CPNE4: variants seen among roughly 807,000 people sequenced by gnomAD.
The protein encoded by CPNE4 is copine-4.
CPNE4 carries 25 observed loss-of-function variants against 67.9 expected under a neutral mutation model. The observed-to-expected ratio is 0.37, with a 90% CI of 0.27 to 0.51. The LOEUF (loss-of-function observed/expected upper bound fraction) is 0.51. Ranked by LOEUF, CPNE4 falls within the 20% of genes least tolerant of loss-of-function variation. The pLI is 0.93. For missense variants in CPNE4, 464 were observed against 690.8 expected (o/e 0.67, Z 3.68); for synonymous variants, 242 against 244.9 (o/e 0.99, Z 0.11).
chr3:131,943,705 A>G (rs73208105), intron 1 of CPNE4, among the ~76,000 whole-genome samples: 9,822 of 152,134 alleles, frequency 0.065, 418 homozygotes, highest in East Asian at 0.13. Flanking sequence ...GTTAGCACAG[A>G]ATTGTTCTAA....
intron 9 of CPNE4, among the ~76,000 whole-genome samples, chr3:131,579,066 C>A (rs1937628271): frequency 6.6e-6 from 1 of 152,202 alleles, no homozygotes. Context: ...GAGAAGAAGT[C>A]ACTGCCTGGC....
chr3:131,731,891 C>T (rs1331195135), intron 2 of CPNE4, among the ~76,000 whole-genome samples: 1 of 152,172 alleles, frequency 6.6e-6, no homozygotes, highest in Non-Finnish European at 1.5e-5. Context: ...GTGATGTCAA[C>T]ATATATACTA....
At chr3:131,815,646 G>C (rs1335240921) in intron 2 of CPNE4, among the ~76,000 whole-genome samples, 2 of 152,202 alleles carry the variant, frequency 1.3e-5, no homozygotes, top group Non-Finnish European at 2.9e-5. Flanking sequence ...CGAGAGACAA[G>C]GTGTTGGAAC....
intron 2 of CPNE4, among the ~76,000 whole-genome samples, chr3:131,884,678 A>G (rs918463045): frequency 1.3e-5 from 2 of 152,180 alleles, no homozygotes; most frequent in Non-Finnish European, 1.5e-5. Flanking sequence ...ACCTGGTGGG[A>G]GATAAATGAA....
intron 2 of CPNE4, among the ~76,000 whole-genome samples, chr3:131,802,981 G>C (rs2084185239): frequency 6.6e-6 from 1 of 152,122 alleles, no homozygotes; most frequent in African/African-American, 2.4e-5. Context: ...AACCTGTATG[G>C]ACTCAGGACT....
intron 8 of CPNE4, among the ~76,000 whole-genome samples, chr3:131,584,336 A>C (rs1938038151): frequency 6.6e-6 from 1 of 152,090 alleles, no homozygotes; most frequent in African/African-American, 2.4e-5. Flanking sequence ...AAATTTTGAA[A>C]ACTTCCTCAT....
intron 1 of CPNE4, among the ~76,000 whole-genome samples, chr3:131,959,541 C>A (rs1471689560): frequency 6.6e-6 from 1 of 152,166 alleles, no homozygotes; most frequent in East Asian, 1.9e-4. Flanking sequence ...ATTTCCTTAA[C>A]ATTCTTATCC....
chr3:131,610,317 C>T (rs1273550436), intron 7 of CPNE4, among the ~76,000 whole-genome samples: 1 of 152,174 alleles, frequency 6.6e-6, no homozygotes, highest in Non-Finnish European at 1.5e-5. Context: ...TACAGGAACC[C>T]TTTGCAGGGC....
intron 2 of CPNE4, among the ~76,000 whole-genome samples, chr3:131,776,596 G>C (rs935830526): frequency 2.0e-5 from 3 of 152,146 alleles, no homozygotes; most frequent in Admixed American, 2.0e-4. Flanking sequence ...CTGAGGCCAA[G>C]TGAGAATAAT....
intron 1 of CPNE4, among the ~76,000 whole-genome samples, chr3:131,971,563 C>G (rs2072503424): frequency 6.6e-6 from 1 of 151,916 alleles, no homozygotes; most frequent in African/African-American, 2.4e-5. Flanking sequence ...TCCTTTTTGC[C>G]CCAGAGGGTT....
At chr3:131,743,962 C>CCAACAAAAAAAA (rs2082417694) in intron 2 of CPNE4, among the ~76,000 whole-genome samples, 1 of 59,206 alleles carries the variant, frequency 1.7e-5, no homozygotes, top group African/African-American at 7.4e-5. Context: ...GACTCCGTCT[C>CCAACAAAAAAAA]AAAAAAAAAA....
intron 1 of CPNE4, among the ~76,000 whole-genome samples, chr3:132,016,027 T>G (rs1583601205): frequency 6.6e-6 from 1 of 152,220 alleles, no homozygotes; most frequent in Non-Finnish European, 1.5e-5. Flanking sequence ...GTGAAATAAA[T>G]GTACATATCA....
intron 9 of CPNE4, among the ~76,000 whole-genome samples, chr3:131,579,220 C>A (rs1439847893): frequency 6.6e-6 from 1 of 152,194 alleles, no homozygotes; most frequent in Non-Finnish European, 1.5e-5. Context: ...CCATGCTCTA[C>A]AAATGGAAGA....
intron 2 of CPNE4, among the ~76,000 whole-genome samples, chr3:131,843,215 G>A (rs2085863370): frequency 6.6e-6 from 1 of 152,210 alleles, no homozygotes; most frequent in Admixed American, 6.5e-5. Context: ...GATTCTGAGA[G>A]ACTTCTGGAA....
At chr3:132,036,562 T>G (rs572317351), upstream of CPNE4, among the ~76,000 whole-genome samples, 2 of 152,360 alleles carry the variant, frequency 1.3e-5, no homozygotes, top group South Asian at 4.1e-4. Flanking sequence ...CTTCCAGGTT[T>G]TGTTAAGAGG....
At chr3:131,896,279 T>G (rs1045067892) in intron 2 of CPNE4, among the ~76,000 whole-genome samples, 1 of 152,000 alleles carries the variant, frequency 6.6e-6, no homozygotes, top group Non-Finnish European at 1.5e-5. Flanking sequence ...TATTATGAAA[T>G]GATAAAAAGG....
At chr3:131,818,184 T>C (rs892198731) in intron 2 of CPNE4, among the ~76,000 whole-genome samples, 7 of 152,208 alleles carry the variant, frequency 4.6e-5, no homozygotes, top group Non-Finnish European at 7.3e-5. Context: ...ACTGCTTTAT[T>C]AGTTGAGTAT....
At chr3:131,593,204 C>T (rs1030313304) in intron 7 of CPNE4, among the ~76,000 whole-genome samples, 1 of 152,114 alleles carries the variant, frequency 6.6e-6, no homozygotes, top group Non-Finnish European at 1.5e-5. Flanking sequence ...GTAAAAAATG[C>T]CTTTGAGATT....
chr3:131,840,299 CAA>C (rs77168880), intron 2 of CPNE4, among the ~76,000 whole-genome samples: 31,064 of 151,966 alleles, frequency 0.2, 3,616 homozygotes, highest in Admixed American at 0.33. Flanking sequence ...TGTCAGCAGC[CAA>C]AGAGTGACAC....
Sources: gnomAD v4.1 joint callset for allele counts (sites outside exome capture counted in the v4.1 genomes callset) on GRCh38, gnomAD v4.1.1 for gene constraint, MANE v1.5 for transcripts, NCBI Gene and HGNC (gene_info 2026-07-23, HGNC 2026-07-21) for gene names.